Variants in KLB observed in about 807,000 individuals in gnomAD.
KLB encodes beta-klotho.
Under a neutral mutation model 88.4 loss-of-function variants are expected in KLB, and 44 were observed. The ratio of observed to expected loss-of-function variants is 0.50; its 90% CI spans 0.39 to 0.64. KLB has a LOEUF of 0.64. Among genes scored for constraint, KLB ranks in the 30% least tolerant of loss-of-function variants. The pLI is 0.00. For synonymous variants in KLB, 548 were observed against 513.4 expected (o/e 1.07, Z -0.91); for missense variants, 1,137 against 1,304.8 (o/e 0.87, Z 1.98).
rs1743824605 is a variant in KLB, at chr4:39,448,872, G to C, written c.*186G>C. On this transcript the variant is annotated 3_prime_UTR_variant, in exon 5 of 5. Coordinates refer to ENST00000257408, the MANE Select transcript of KLB (RefSeq NM_175737.4). ...TTAGGTGTTGACATCAGTGAACTCAGTTCTTGGATGTAAACATAAAGGCTT... is the reference window on the plus strand; with the variant it reads ...TTAGGTGTTGACATCAGTGAACTCACTTCTTGGATGTAAACATAAAGGCTT... 3.5e-6 allele frequency: 2 copies of C among 578,518 alleles called. No individual in the cohort carries two copies. The highest frequency in any genetic ancestry group is 6.0e-6 in the Non-Finnish European group (2 of 331,528). The allele number at this position is 578,518 out of a possible 1,614,324, so 35.8% of individuals were successfully genotyped here. A position where few individuals can be genotyped will look rare whatever the true frequency, so the allele number is the denominator to read the frequency against.
chr4:39,412,590 T>C (rs112491105), intron 1 of KLB, among the ~76,000 whole-genome samples: 12 of 152,330 alleles, frequency 7.9e-5, no homozygotes, highest in African/African-American at 2.9e-4. Context: ...CTAGCTCAAA[T>C]GCCCTCTTTA....
At chr4:39,438,368 G>T (rs1176381976) in intron 3 of KLB, among the ~76,000 whole-genome samples, 1 of 152,172 alleles carries the variant, frequency 6.6e-6, no homozygotes, top group Non-Finnish European at 1.5e-5. Context: ...GCAGCACCTT[G>T]TTTAACTGAT....
At chr4:39,416,229 T>A (rs1742962772) in intron 1 of KLB, among the ~76,000 whole-genome samples, 1 of 152,128 alleles carries the variant, frequency 6.6e-6, no homozygotes, top group Non-Finnish European at 1.5e-5. Context: ...TGAAACAAGC[T>A]GCAGAATTTT....
intron 1 of KLB, among the ~76,000 whole-genome samples, chr4:39,419,944 CAAAAAA>C (rs34834552): frequency 1.2e-5 from 1 of 81,768 alleles, no homozygotes; most frequent in African/African-American, 5.0e-5. Context: ...AACTTCATCT[CAAAAAA>C]AAAAAAAAAA....
At chr4:39,432,524 T>A (rs1424634069) in intron 1 of KLB, among the ~76,000 whole-genome samples, 1 of 151,766 alleles carries the variant, frequency 6.6e-6, no homozygotes, top group Non-Finnish European at 1.5e-5. Flanking sequence ...TGGCTTTTAA[T>A]TTTTTTTTAA....
intron 3 of KLB, among the ~76,000 whole-genome samples, chr4:39,439,003 C>CTTT (rs1343702750): frequency 7.1e-6 from 1 of 139,976 alleles, no homozygotes; most frequent in African/African-American, 2.6e-5. Context: ...TCTACTTCAT[C>CTTT]TTTTTTTTTT....
At chr4:39,421,498 C>T (rs7678241) in intron 1 of KLB, among the ~76,000 whole-genome samples, 46,719 of 151,936 alleles carry the variant, frequency 0.31, 7,847 homozygotes, top group African/African-American at 0.45. Flanking sequence ...GTCTGTAATC[C>T]CAACACTTTA....
intron 3 of KLB, among the ~76,000 whole-genome samples, chr4:39,444,357 G>A (rs2109844004): frequency 6.6e-6 from 1 of 152,174 alleles, no homozygotes; most frequent in South Asian, 2.1e-4. Flanking sequence ...TAGTCAATGG[G>A]ACCCCCTCAA....
At chr4:39,417,115 A>G (rs1742980266) in intron 1 of KLB, among the ~76,000 whole-genome samples, 1 of 151,518 alleles carries the variant, frequency 6.6e-6, no homozygotes, top group South Asian at 2.1e-4. Flanking sequence ...TTTTTTTAAA[A>G]CTCCCTTGGT....
rs35079093 is a variant in KLB, at chr4:39,419,773, C to CAAA, written c.825+12018_825+12020dup. Among the ~76,000 whole-genome samples the CAAA allele has an allele frequency of 1.5e-3, 105 of 71,242 alleles. 1 individual carries two copies. The highest frequency in any genetic ancestry group is 2.6e-3 in the African/African-American group (49 of 18,918). The allele number at this position is 71,242 out of a possible 152,430, so 46.7% of individuals were successfully genotyped here. On this transcript the variant is annotated intron_variant, in intron 1 of 4. Transcript: ENST00000257408. ...TCTGGGCGACAGAGCAATTCCATCT[C>CAAA]AAAAAAAAAAAAAAAAAAAAATTAG...
chr4:39,431,762 T>G (rs974830161), intron 1 of KLB, among the ~76,000 whole-genome samples: 4 of 152,242 alleles, frequency 2.6e-5, no homozygotes, highest in African/African-American at 9.6e-5. Context: ...CCTCAATGCC[T>G]ACTTTCCCCA....
In KLB at chr4:39,447,484, G is replaced by C; in HGVS notation, c.2749+9G>C. The C allele has an allele frequency of 1.3e-6, 2 of 1,549,192 alleles. No homozygotes were observed. The highest frequency in any genetic ancestry group is 1.2e-5 in the South Asian group (1 of 81,068). ...TCAGGAGGTGCTGAAAGGTAAGGGCGGGGCCCCTTCAGACACAGGGCAGAG... is the reference window on the plus strand; with the variant it reads ...TCAGGAGGTGCTGAAAGGTAAGGGCCGGGCCCCTTCAGACACAGGGCAGAG... On this transcript the variant is annotated intron_variant, in intron 4 of 4. Coordinates refer to ENST00000257408, the MANE Select transcript of KLB (RefSeq NM_175737.4).
intron 3 of KLB, 67 bp downstream of exon 3, chr4:39,438,062 T>C: frequency 6.9e-7 from 1 of 1,443,872 alleles, no homozygotes; most frequent in Non-Finnish European, 9.5e-7. Context: ...ATTTACTCAA[T>C]GACAGCTAAG....
In KLB at chr4:39,448,672, A is replaced by AT; in HGVS notation, c.3121_3122insT (p.Arg1041MetfsTer4). On this transcript the variant is annotated frameshift_variant, in exon 5 of 5. Coordinates refer to ENST00000257408, the MANE Select transcript of KLB (RefSeq NM_175737.4). LOFTEE classifies it high-confidence loss of function. ...ACACATACCATTAAAGAAAGGCAAGAGAGTTGTTAGCTAAACTGATCTGTC... is the reference window on the plus strand; with the variant it reads ...ACACATACCATTAAAGAAAGGCAAGATGAGTTGTTAGCTAAACTGATCTGTC... 6.2e-7 allele frequency: 1 copy of AT among 1,608,880 alleles called. No individual in the cohort carries two copies. The highest frequency in any genetic ancestry group is 8.5e-7 in the Non-Finnish European group (1 of 1,179,476).
intron 4 of KLB, among the ~76,000 whole-genome samples, 196 bp downstream of exon 4, chr4:39,447,671 C>G (rs551969703): frequency 2.1e-4 from 32 of 152,208 alleles, no homozygotes; most frequent in African/African-American, 7.5e-4. Flanking sequence ...TAACACACAC[C>G]AATTATAGAA....
intron 2 of KLB, among the ~76,000 whole-genome samples, chr4:39,437,477 G>A (rs969628019): frequency 2.6e-5 from 4 of 152,176 alleles, no homozygotes; most frequent in Non-Finnish European, 2.9e-5. Flanking sequence ...AGTATTTAAG[G>A]TGTGATCCTT....
Position 39,407,632 on chromosome 4 carries a change from T to C in KLB, c.683T>C (p.Met228Thr), listed in dbSNP as rs1386240161. ...GACTATGCCACATACTGTTTCCAGA[T>C]GTTTGGGGACCGTGTCAAATATTGG... ...FNDYATYCFQ[M>T]FGDRVKYWIT... The change falls in exon 1 of 5, where the codon ATG becomes ACG. Residue 228 changes from methionine to threonine, a missense_variant. Coordinates refer to ENST00000257408, the MANE Select transcript of KLB (RefSeq NM_175737.4). The C allele has an allele frequency of 1.9e-6, 3 of 1,614,078 alleles. No individual in the cohort carries two copies. The highest frequency in any genetic ancestry group is 4.5e-5 in the East Asian group (2 of 44,886).
Position 39,407,056 on chromosome 4 carries a change from A to T in KLB, c.107A>T (p.Gln36Leu). ...AATACAATGTCCAACGGGGGATTGC[A>T]AAGATCTGTCATCCTGTCAGCACTT... ...YRNTMSNGGLQRSVILSALIL... is the reference protein window; with the variant it reads ...YRNTMSNGGLLRSVILSALIL... Residue 36 changes from glutamine (Q) to leucine (L), a missense_variant, in exon 1 of 5, where the codon CAA becomes CTA. By Grantham distance (113) the Gln-to-Leu change is moderately radical. Coordinates refer to ENST00000257408, the MANE Select transcript of KLB (RefSeq NM_175737.4). 6.2e-7 allele frequency: 1 copy of T among 1,614,114 alleles called. No individual in the cohort carries two copies.
At chr4:39,425,240 C>T (rs1743179989) in intron 1 of KLB, among the ~76,000 whole-genome samples, 1 of 152,158 alleles carries the variant, frequency 6.6e-6, no homozygotes, top group Admixed American at 6.6e-5. Context: ...TTATTCTAGA[C>T]TTTTTTCCTT....
Sources: allele counts gnomAD v4.1 joint callset (sites outside exome capture counted in the v4.1 genomes callset), GRCh38; gene constraint gnomAD v4.1.1; transcripts MANE v1.5; gene names NCBI Gene and HGNC (gene_info 2026-07-23, HGNC 2026-07-21).